The following DENND1A variants were observed in gnomAD, a reference collection of about 807,000 sequenced individuals.
DENND1A encodes the protein DENN domain containing 1A.
In DENND1A, 51 loss-of-function variants were observed where a neutral mutation model predicts 113.7. The observed-to-expected ratio is 0.45, with a 90% CI of 0.36 to 0.57. The LOEUF is 0.57. Among genes scored for constraint, DENND1A ranks in the 20% least tolerant of loss-of-function variants. The pLI is 0.00. For synonymous variants in DENND1A, 565 were observed against 570.8 expected (o/e 0.99, Z 0.14); for missense variants, 1,258 against 1,395.9 (o/e 0.90, Z 1.57).
chr9:123,847,124 G>A (rs561525238), intron 2 of DENND1A, among the ~76,000 whole-genome samples: 26 of 152,268 alleles, frequency 1.7e-4, no homozygotes, highest in African/African-American at 6.3e-4. Context: ...TTACTGGTGT[G>A]TGCCACTGTG....
At chr9:123,653,614 C>T (rs1226683032) in intron 8 of DENND1A, among the ~76,000 whole-genome samples, 6 of 152,162 alleles carry the variant, frequency 3.9e-5, no homozygotes, top group Non-Finnish European at 4.4e-5. Context: ...ACAAAGGTCA[C>T]GCAGTAAGTG....
chr9:123,548,568 T>C (rs1043597753), intron 13 of DENND1A, among the ~76,000 whole-genome samples: 3 of 152,234 alleles, frequency 2.0e-5, no homozygotes, highest in African/African-American at 4.8e-5. Context: ...TTTAGGTATA[T>C]AGCCAAATGA....
chr9:123,423,831 G>C (rs2045506175), intron 19 of DENND1A, among the ~76,000 whole-genome samples: 1 of 152,230 alleles, frequency 6.6e-6, no homozygotes, highest in South Asian at 2.1e-4. Flanking sequence ...TTGCAAGTTT[G>C]CAACAAACTG....
chr9:123,669,832 T>C (rs980010957), intron 7 of DENND1A, among the ~76,000 whole-genome samples: 1 of 152,236 alleles, frequency 6.6e-6, no homozygotes, highest in Non-Finnish European at 1.5e-5. Flanking sequence ...CTATGCTCTA[T>C]TAAAATGGGC....
In DENND1A at chr9:123,516,554, T is replaced by C. The variant is rs140289369; in HGVS notation, c.993+41016A>G. Among the ~76,000 whole-genome samples the C allele has an allele frequency of 2.6e-5, 4 of 152,120 alleles. No homozygotes were observed. In the East Asian group the frequency reaches 5.8e-4, roughly 22 times the overall value. ...AAATATAAAAAATAAAAACTCCTAG[T>C]TGTAGTCAAGAGTGGCCATCTATGG... On this transcript the variant is annotated intron_variant, in intron 13 of 23. Coordinates refer to ENST00000394215, the MANE Select transcript of DENND1A (RefSeq NM_001352964.2).
At chr9:123,730,962 A>G (rs1002666094) in intron 5 of DENND1A, among the ~76,000 whole-genome samples, 1 of 152,192 alleles carries the variant, frequency 6.6e-6, no homozygotes, top group South Asian at 2.1e-4. Context: ...TTGCAGCGAC[A>G]TGGATGAAGC....
chr9:123,689,943 C>T lies in DENND1A; in HGVS notation c.303-13154G>A, dbSNP rs772577836. Among the ~76,000 whole-genome samples the T allele has an allele frequency of 9.3e-5, 14 of 151,156 alleles. No homozygotes were observed. In the South Asian group the frequency reaches 2.1e-3, roughly 23 times the overall value. On this transcript the variant is annotated intron_variant, in intron 5 of 23. Coordinates refer to ENST00000394215, the MANE Select transcript of DENND1A (RefSeq NM_001352964.2). Reference sequence around the variant, plus strand: ...GTTGGAGGTTCCAGTGAGCCAAGATCGCGCCACTGTACTCCAGCCTGAGTG... The same window carrying T: ...GTTGGAGGTTCCAGTGAGCCAAGATTGCGCCACTGTACTCCAGCCTGAGTG...
chr9:123,452,072 T>C (rs561465650), intron 17 of DENND1A, among the ~76,000 whole-genome samples: 119 of 150,384 alleles, frequency 7.9e-4, no homozygotes, highest in African/African-American at 2.8e-3. Flanking sequence ...TGCACACCTG[T>C]AGTCCTAGCT....
chr9:123,437,405 A>T (rs1371247735), intron 19 of DENND1A, among the ~76,000 whole-genome samples: 1 of 152,134 alleles, frequency 6.6e-6, no homozygotes, highest in African/African-American at 2.4e-5. Flanking sequence ...GTCTCCATGG[A>T]GCTGCCCTGG....
At chr9:123,552,628 G>A (rs537194105) in intron 13 of DENND1A, among the ~76,000 whole-genome samples, 1 of 152,244 alleles carries the variant, frequency 6.6e-6, no homozygotes, top group Non-Finnish European at 1.5e-5. Context: ...GTGAGCCAGA[G>A]GGCTGGTAGC....
At chr9:123,584,099 C>T (rs181260216) in intron 11 of DENND1A, among the ~76,000 whole-genome samples, 1 of 152,338 alleles carries the variant, frequency 6.6e-6, no homozygotes, top group African/African-American at 2.4e-5. Flanking sequence ...CTCCTGCCTA[C>T]TCTCCACTCC....
intron 8 of DENND1A, among the ~76,000 whole-genome samples, chr9:123,656,580 C>T (rs758852624): frequency 1.3e-5 from 2 of 152,190 alleles, no homozygotes; most frequent in Non-Finnish European, 2.9e-5. Flanking sequence ...TTCTAGATTA[C>T]TATGCACCAT....
intron 13 of DENND1A, among the ~76,000 whole-genome samples, chr9:123,494,996 T>A (rs1034806098): frequency 6.6e-6 from 1 of 152,174 alleles, no homozygotes; most frequent in Non-Finnish European, 1.5e-5. Context: ...TTTGCCATGT[T>A]GCCCAGGCTG....
chr9:123,796,719 AG>A (rs1833821057), intron 2 of DENND1A, among the ~76,000 whole-genome samples: 1 of 150,706 alleles, frequency 6.6e-6, no homozygotes, highest in African/African-American at 2.4e-5. Context: ...GTTACGTATG[AG>A]GGCTCATTTG....
chr9:123,577,736 C>T (rs1035488277), intron 12 of DENND1A, among the ~76,000 whole-genome samples: 1 of 151,514 alleles, frequency 6.6e-6, no homozygotes, highest in Non-Finnish European at 1.5e-5. Flanking sequence ...AATGCACACA[C>T]CATTGGTGCT....
chr9:123,705,161 A>G (rs1389179112), intron 5 of DENND1A, among the ~76,000 whole-genome samples: 1 of 152,214 alleles, frequency 6.6e-6, no homozygotes, highest in Non-Finnish European at 1.5e-5. Flanking sequence ...ACAATTAGAC[A>G]TACTCATTTG....
At chr9:123,465,386 A>G (rs2048864921) in intron 13 of DENND1A, among the ~76,000 whole-genome samples, 1 of 142,220 alleles carries the variant, frequency 7.0e-6, no homozygotes, top group South Asian at 2.2e-4. Context: ...ATCAATTTAG[A>G]TGACACAACA....
intron 11 of DENND1A, among the ~76,000 whole-genome samples, chr9:123,593,485 T>G (rs1270072311): frequency 1.3e-5 from 2 of 152,126 alleles, no homozygotes; most frequent in Non-Finnish European, 2.9e-5. Context: ...GCAAAGACAC[T>G]TTGCTCTGAG....
intron 19 of DENND1A, among the ~76,000 whole-genome samples, chr9:123,424,724 T>C (rs2045581865): frequency 6.6e-6 from 1 of 152,246 alleles, no homozygotes; most frequent in South Asian, 2.1e-4. Context: ...CTGTGTGACC[T>C]TGGTCAAGGT....
Sources: allele counts gnomAD v4.1 joint callset (sites outside exome capture counted in the v4.1 genomes callset), GRCh38; gene constraint gnomAD v4.1.1; transcripts MANE v1.5; gene names NCBI Gene and HGNC (gene_info 2026-07-23, HGNC 2026-07-21).